Variants in BCAT1 observed in about 807,000 individuals in gnomAD.
BCAT1 encodes the protein branched chain amino acid transaminase 1, also known as branched-chain-amino-acid aminotransferase, cytosolic.
In BCAT1, 48 loss-of-function variants were observed where a neutral mutation model predicts 52.4. The ratio of observed to expected loss-of-function variants is 0.92; its 90% CI spans 0.73 to 1.16. BCAT1 has a LOEUF of 1.16. BCAT1 is among the 50% of genes most tolerant of loss of function. BCAT1 has a pLI of 0.00. For missense variants in BCAT1, 451 were observed against 457.1 expected, an observed-to-expected ratio of 0.99 and a Z score of 0.12; for synonymous variants, 167 against 161.3, an observed-to-expected ratio of 1.04 and a Z score of -0.27.
intron 10 of BCAT1, among the ~76,000 whole-genome samples, chr12:24,827,139 GC>G (rs1217416594): frequency 7.2e-5 from 11 of 151,936 alleles, no homozygotes; most frequent in Admixed American, 7.2e-4. Flanking sequence ...TATTTTTCCT[GC>G]CTATTTGCCC....
intron 3 of BCAT1, among the ~76,000 whole-genome samples, chr12:24,884,000 TGG>T (rs1942583889): frequency 6.6e-6 from 1 of 152,200 alleles, no homozygotes; most frequent in Admixed American, 6.5e-5. Context: ...GCCTGGGGTT[TGG>T]GGACCCTTAT....
intron 1 of BCAT1, among the ~76,000 whole-genome samples, chr12:24,906,259 T>C (rs1282306015): frequency 6.6e-6 from 1 of 152,016 alleles, no homozygotes; most frequent in East Asian, 1.9e-4. Context: ...GGAGGCCTCC[T>C]TGGATCTGAC....
chr12:24,848,260 G>C (rs760688958), intron 6 of BCAT1, among the ~76,000 whole-genome samples: 2 of 152,076 alleles, frequency 1.3e-5, no homozygotes, highest in African/African-American at 4.8e-5. Flanking sequence ...TGAGCAAAAG[G>C]TAACAGAATT....
chr12:24,929,386 C>G lies in BCAT1; in HGVS notation c.6+19541G>C, dbSNP rs1292999554. ...TTTTTCAGCATTGGAGCTCAGGACG[C>G]ACCATCCCAAAATATGACCAGAATA... On this transcript the variant is annotated intron_variant, in intron 1 of 10. Transcript: ENST00000261192. Among the ~76,000 whole-genome samples, 5 of 152,276 alleles carry G rather than the reference C, an allele frequency of 3.3e-5. No homozygotes were observed. In the South Asian group the frequency reaches 1.0e-3, roughly 32 times the overall value.
intron 5 of BCAT1, among the ~76,000 whole-genome samples, chr12:24,860,150 T>TG (rs1355261207): frequency 2.0e-5 from 3 of 152,216 alleles, no homozygotes; most frequent in Admixed American, 2.0e-4. Context: ...CTTTAAAAGA[T>TG]GGTTTATAAT....
At chr12:24,857,633 G>A (rs984064516) in intron 5 of BCAT1, among the ~76,000 whole-genome samples, 31 of 152,200 alleles carry the variant, frequency 2.0e-4, no homozygotes, top group Admixed American at 1.8e-3. Context: ...CTAACAGCCT[G>A]GGCTTCCTTA....
At chr12:24,877,203 C>T (rs1942372844) in intron 5 of BCAT1, among the ~76,000 whole-genome samples, 1 of 152,120 alleles carries the variant, frequency 6.6e-6, no homozygotes, top group African/African-American at 2.4e-5. Context: ...ACCTGGTAAC[C>T]CCGCAACACT....
At chr12:24,908,417 T>C (rs1175783814) in intron 1 of BCAT1, among the ~76,000 whole-genome samples, 1 of 152,228 alleles carries the variant, frequency 6.6e-6, no homozygotes, top group African/African-American at 2.4e-5. Flanking sequence ...ATTTTTAATC[T>C]TGTTTCATTT....
chr12:24,944,955 A>G (rs1352145615), intron 1 of BCAT1, among the ~76,000 whole-genome samples: 2 of 152,232 alleles, frequency 1.3e-5, no homozygotes, highest in African/African-American at 4.8e-5. Flanking sequence ...ACTGAACACA[A>G]GAAAAATGTT....
intron 1 of BCAT1, among the ~76,000 whole-genome samples, chr12:24,915,952 G>A (rs897380917): frequency 2.0e-5 from 3 of 152,112 alleles, no homozygotes; most frequent in African/African-American, 7.2e-5. Flanking sequence ...GAGGTCAGGA[G>A]TTCAAGACCA....
Position 24,817,643 on chromosome 12 carries a change from A to C in BCAT1, c.*365T>G, listed in dbSNP as rs1335162452. The C allele has an allele frequency of 1.1e-5, 2 of 174,652 alleles. No homozygotes were observed. Among genetic ancestry groups the C allele is most frequent in the Non-Finnish European group, 2.4e-5 (2 of 83,154 alleles). The allele number at this position is 174,652 out of a possible 1,614,324, so 10.8% of individuals were successfully genotyped here. On this transcript the variant is annotated 3_prime_UTR_variant, in exon 11 of 11. Coordinates refer to ENST00000261192, the MANE Select transcript of BCAT1 (RefSeq NM_005504.7). ...AATTAGCTTTCAAACACACACAAAA[A>C]ATTGCATTTGTTTGAGGAGCAGAAT...
chr12:24,927,405 C>T (rs1943607342), intron 1 of BCAT1, among the ~76,000 whole-genome samples: 1 of 152,190 alleles, frequency 6.6e-6, no homozygotes, highest in Non-Finnish European at 1.5e-5. Context: ...CATAGCAATA[C>T]TGGAAAAACC....
At position 24,848,133 on chromosome 12, in the gene BCAT1, T is replaced by C. The variant is rs532699824; in HGVS notation, c.674+1653A>G. On this transcript the variant is annotated intron_variant, in intron 6 of 10. Coordinates refer to ENST00000261192, the MANE Select transcript of BCAT1 (RefSeq NM_005504.7). ...AATACTTTCTTCTCCGGTCTCTTCC[T>C]TTCCTAAGAGATTTCAAGTCAATTT... Among the ~76,000 whole-genome samples, 11 of 152,324 alleles carry C rather than the reference T, an allele frequency of 7.2e-5. No individual in the cohort carries two copies. In the South Asian group the frequency reaches 2.3e-3, roughly 32 times the overall value.
intron 10 of BCAT1, among the ~76,000 whole-genome samples, chr12:24,826,243 T>C (rs1940393613): frequency 6.6e-6 from 1 of 152,196 alleles, no homozygotes; most frequent in Non-Finnish European, 1.5e-5. Context: ...TCCTTAATGT[T>C]TTCTTCAAGT....
At chr12:24,895,371 T>C (rs1425957943) in intron 2 of BCAT1, among the ~76,000 whole-genome samples, 2 of 151,672 alleles carry the variant, frequency 1.3e-5, no homozygotes, top group African/African-American at 4.8e-5. Flanking sequence ...CTAAAAATAC[T>C]AAAAATTAGC....
chr12:24,919,539 G>C (rs371229137), intron 1 of BCAT1, among the ~76,000 whole-genome samples: 31 of 152,186 alleles, frequency 2.0e-4, no homozygotes, highest in African/African-American at 7.0e-4. Flanking sequence ...GGAGTCAAAA[G>C]GAAATGCAAA....
intron 2 of BCAT1, among the ~76,000 whole-genome samples, chr12:24,901,148 C>G (rs1427263717): frequency 2.0e-5 from 3 of 152,126 alleles, no homozygotes; most frequent in Non-Finnish European, 4.4e-5. Flanking sequence ...AGTTTCCTTC[C>G]CTCTCTGAAC....
chr12:24,917,550 C>T (rs941360203), intron 1 of BCAT1, among the ~76,000 whole-genome samples: 2 of 152,120 alleles, frequency 1.3e-5, no homozygotes, highest in East Asian at 3.8e-4. Context: ...GTATTTAAGA[C>T]TACTTGTCAA....
intron 1 of BCAT1, among the ~76,000 whole-genome samples, chr12:24,932,627 T>C (rs1943692243): frequency 6.6e-6 from 1 of 152,210 alleles, no homozygotes. Context: ...CTGTTATAAG[T>C]GCTTTATATT....
Sources: gnomAD v4.1 joint callset for allele counts (sites outside exome capture counted in the v4.1 genomes callset) on GRCh38, gnomAD v4.1.1 for gene constraint, MANE v1.5 for transcripts, NCBI Gene and HGNC (gene_info 2026-07-23, HGNC 2026-07-21) for gene names.